The following ADAMTS17 variants were observed in gnomAD, a reference collection of about 807,000 sequenced individuals.
The protein encoded by ADAMTS17 is ADAM metallopeptidase with thrombospondin type 1 motif 17, also known as A disintegrin and metalloproteinase with thrombospondin motifs 17.
In ADAMTS17, 113 loss-of-function variants were observed where a neutral mutation model predicts 141.5. That is an observed-to-expected ratio of 0.80 (90% CI 0.69 to 0.93). The LOEUF (loss-of-function observed/expected upper bound fraction) is 0.93, where lower values mean the gene tolerates loss of function less well. ADAMTS17 is among the 40% of genes least tolerant of loss of function. The pLI is 0.00. For missense variants in ADAMTS17, 1,659 were observed against 1,517.9 expected, an observed-to-expected ratio of 1.09 and a Z score of -1.54; for synonymous variants, 768 against 630.6, an observed-to-expected ratio of 1.22 and a Z score of -3.27.
chr15:100,105,844 C>T (rs2036384083), intron 14 of ADAMTS17, among the ~76,000 whole-genome samples: 1 of 152,060 alleles, frequency 6.6e-6, no homozygotes, highest in Non-Finnish European at 1.5e-5. Flanking sequence ...CCCATCACCA[C>T]ATCCAGCTAA....
chr15:100,168,618 A>C (rs1567295025), intron 8 of ADAMTS17: 1 of 152,260 alleles, frequency 6.6e-6, no homozygotes, highest in Non-Finnish European at 1.5e-5. Context: ...AGTGCGTAGC[A>C]AAAATCATGT....
chr15:100,211,623 T>C (rs369557547), intron 7 of ADAMTS17, among the ~76,000 whole-genome samples: 1 of 152,158 alleles, frequency 6.6e-6, no homozygotes, highest in Non-Finnish European at 1.5e-5. Context: ...GATTGGGCTA[T>C]CTAGCTAAAT....
In ADAMTS17 at chr15:100,341,319, G is replaced by T. The variant is rs962460339; in HGVS notation, c.170C>A (p.Pro57His). Residue 57 changes from proline to histidine, a missense_variant, in exon 2 of 22, where the codon CCC (proline) becomes CAC (histidine). Pro to His is a moderately conservative substitution (Grantham distance 77). Coordinates refer to ENST00000268070, the MANE Select transcript of ADAMTS17 (RefSeq NM_139057.4). Reference sequence around the variant, plus strand: ...GGGGCGTCGCCGCCGTCGGGGCCCGGGGGCTGCGGGCAGCGGCGGCAGGTG... The same window carrying T: ...GGGGCGTCGCCGCCGTCGGGGCCCGTGGGCTGCGGGCAGCGGCGGCAGGTG... ...DVHLPPLPAAPGPRRRRRPRT... is the reference protein window; with the variant it reads ...DVHLPPLPAAHGPRRRRRPRT... The T allele has an allele frequency of 2.9e-6, 3 of 1,038,972 alleles. No individual in the cohort carries two copies. The South Asian group carries it at 1.3e-4, about 46-fold the overall frequency. The allele number at this position is 1,038,972 out of a possible 1,614,324, so 64.4% of individuals were successfully genotyped here. A position where few individuals can be genotyped will look rare whatever the true frequency, so the allele number is the denominator to read the frequency against.
At chr15:100,063,703 C>A in intron 15 of ADAMTS17, 1 of 1,289,956 alleles carries the variant, frequency 7.8e-7, no homozygotes. Flanking sequence ...GCAGGTTTAT[C>A]CTCCACCACA....
chr15:99,979,411 A>G (rs1258701330), intron 20 of ADAMTS17: 1 of 152,034 alleles, frequency 6.6e-6, no homozygotes, highest in African/African-American at 2.4e-5. Context: ...AATCACTTAC[A>G]AAAGCAATCT....
intron 18 of ADAMTS17, among the ~76,000 whole-genome samples, chr15:100,035,318 G>A (rs1218058957): frequency 6.6e-6 from 1 of 152,180 alleles, no homozygotes; most frequent in East Asian, 1.9e-4. Flanking sequence ...TGTAAAACGT[G>A]ATCATAAGGG....
rs540956659 is a variant in ADAMTS17 at position 100,248,328 on chromosome 15, C to T, written c.1075+5808G>A. Among the ~76,000 whole-genome samples the T allele has an allele frequency of 7.9e-5, 12 of 152,346 alleles. 1 individual carries two copies. The South Asian group carries it at 2.3e-3, about 29-fold the overall frequency. ...AGGCACGGGTAGGAGAAAACCAATG[C>T]TCCACATCCACTGAGCAACACTCAG... On this transcript the variant is annotated intron_variant, in intron 7 of 21. Transcript: ENST00000268070.
intron 7 of ADAMTS17, among the ~76,000 whole-genome samples, chr15:100,243,005 GCAA>G (rs1428961552): frequency 2.0e-5 from 3 of 152,100 alleles, no homozygotes; most frequent in Non-Finnish European, 4.4e-5. Context: ...TCAGCTCCTG[GCAA>G]CTGCCATCCT....
intron 4 of ADAMTS17, among the ~76,000 whole-genome samples, chr15:100,280,623 C>T (rs78081736): frequency 0.061 from 9,325 of 152,222 alleles, 338 homozygotes; most frequent in Non-Finnish European, 0.086. Context: ...TCCCCGTTCC[C>T]GCCATGTCAA....
intron 12 of ADAMTS17, among the ~76,000 whole-genome samples, chr15:100,122,932 T>C (rs1053174230): frequency 6.6e-5 from 10 of 152,198 alleles, no homozygotes; most frequent in Non-Finnish European, 8.8e-5. Flanking sequence ...CAACTGTACC[T>C]TGGTCCTGAG....
At chr15:100,126,837 G>A (rs1169742047) in intron 12 of ADAMTS17, among the ~76,000 whole-genome samples, 1 of 152,214 alleles carries the variant, frequency 6.6e-6, no homozygotes, top group Non-Finnish European at 1.5e-5. Flanking sequence ...GCCTGTCCCG[G>A]GCCTGCACAG....
chr15:100,059,321 T>C (rs2032923676), intron 15 of ADAMTS17, among the ~76,000 whole-genome samples: 1 of 152,240 alleles, frequency 6.6e-6, no homozygotes, highest in South Asian at 2.1e-4. Context: ...GCACTGCAAA[T>C]GCAGCTTTCC....
chr15:100,311,554 G>A (rs1394377463), intron 3 of ADAMTS17, among the ~76,000 whole-genome samples: 1 of 152,182 alleles, frequency 6.6e-6, no homozygotes, highest in African/African-American at 2.4e-5. Flanking sequence ...CTAAAGTGGG[G>A]CGGGCGTGTG....
intron 15 of ADAMTS17, among the ~76,000 whole-genome samples, chr15:100,056,405 G>T (rs1157172784): frequency 1.3e-5 from 2 of 151,478 alleles, no homozygotes; most frequent in Non-Finnish European, 2.9e-5. Flanking sequence ...GACTGGTTTC[G>T]TGGAAGGCAA....
intron 8 of ADAMTS17, among the ~76,000 whole-genome samples, chr15:100,183,003 T>A (rs545415523): frequency 2.0e-5 from 3 of 152,188 alleles, no homozygotes; most frequent in Non-Finnish European, 4.4e-5. Context: ...TTTTCTTTTT[T>A]TTTGAGACAG....
At chr15:100,019,686 AT>A (rs1360281071) in intron 18 of ADAMTS17, among the ~76,000 whole-genome samples, 20 of 152,240 alleles carry the variant, frequency 1.3e-4, no homozygotes, top group African/African-American at 4.8e-4. Flanking sequence ...TGATTTAAAA[AT>A]GTTGGAAATG....
intron 3 of ADAMTS17, among the ~76,000 whole-genome samples, chr15:100,324,348 GACC>G (rs1294876967): frequency 1.3e-5 from 2 of 152,020 alleles, no homozygotes; most frequent in African/African-American, 2.4e-5. Flanking sequence ...AAGCAAATCT[GACC>G]ACATGTTAAC....
At chr15:100,285,418 T>C (rs1027376750) in intron 3 of ADAMTS17, among the ~76,000 whole-genome samples, 2 of 152,224 alleles carry the variant, frequency 1.3e-5, no homozygotes, top group Non-Finnish European at 2.9e-5. Flanking sequence ...CAAAGCTCTG[T>C]ATGGAACAGA....
chr15:99,995,492 C>T (rs2060783702), intron 19 of ADAMTS17, among the ~76,000 whole-genome samples: 1 of 152,210 alleles, frequency 6.6e-6, no homozygotes, highest in African/African-American at 2.4e-5. Context: ...GGGTGCCCTT[C>T]GGTCTCTCTC....
Sources: gnomAD v4.1 joint callset for allele counts (sites outside exome capture counted in the v4.1 genomes callset) on GRCh38, gnomAD v4.1.1 for gene constraint, MANE v1.5 for transcripts, NCBI Gene and HGNC (gene_info 2026-07-23, HGNC 2026-07-21) for gene names.